The following SUFU variants were observed in gnomAD, a reference collection of about 807,000 sequenced individuals.
The protein encoded by SUFU is suppressor of fused homolog.
In SUFU, 7 loss-of-function variants were observed where a neutral mutation model predicts 58.9. That is an observed-to-expected ratio of 0.12 (90% CI 0.07 to 0.22). The LOEUF (loss-of-function observed/expected upper bound fraction) is 0.22, where lower values mean the gene tolerates loss of function less well. Among genes scored for constraint, SUFU ranks in the 10% least tolerant of loss-of-function variants. The pLI, the probability that SUFU is intolerant of heterozygous loss-of-function variation, is 1.00. For synonymous variants in SUFU, 232 were observed against 254.8 expected (o/e 0.91, Z 0.85); for missense variants, 451 against 641.3 (o/e 0.70, Z 3.20).
chr10:102,547,832 GGA>G (rs958492409), intron 2 of SUFU, among the ~76,000 whole-genome samples: 18 of 151,402 alleles, frequency 1.2e-4, no homozygotes, highest in Admixed American at 3.3e-4. Flanking sequence ...GAGGCGGGGG[GGA>G]GAGAGAGAGA....
At chr10:102,547,784 T>C (rs981881854) in intron 2 of SUFU, among the ~76,000 whole-genome samples, 2 of 151,468 alleles carry the variant, frequency 1.3e-5, no homozygotes, top group African/African-American at 4.9e-5. Context: ...TTCACACCAT[T>C]GTATAGAGCA....
intron 2 of SUFU, among the ~76,000 whole-genome samples, chr10:102,542,232 A>G (rs1034971857): frequency 6.6e-6 from 1 of 150,484 alleles, no homozygotes; most frequent in African/African-American, 2.5e-5. Context: ...TCCCGGATTC[A>G]AGCGATTCTC....
intron 3 of SUFU, among the ~76,000 whole-genome samples, chr10:102,551,923 C>T (rs2062922245): frequency 6.6e-6 from 1 of 151,380 alleles, no homozygotes; most frequent in South Asian, 2.1e-4. Flanking sequence ...GACGGGGTTT[C>T]ACCTTGTTAG....
At chr10:102,608,050 C>T (rs565066786) in intron 8 of SUFU, among the ~76,000 whole-genome samples, 1 of 151,788 alleles carries the variant, frequency 6.6e-6, no homozygotes, top group African/African-American at 2.4e-5. Context: ...CATGATAAAA[C>T]CCCATCTCTA....
At position 102,631,624 on chromosome 10, in the gene SUFU, C is replaced by A. The variant is rs988710480; in HGVS notation, c.*1469C>A. On this transcript the variant is annotated 3_prime_UTR_variant, in exon 12 of 12. Transcript: ENST00000369902. ...CATCTGCCTCTGCTGCACACACAGG[C>A]ACCAGCAGGGATGCCACAGGAGTGC... is the stretch of plus-strand genomic sequence containing the variant. 8.6e-6 allele frequency: 2 copies of A among 233,548 alleles called. No homozygotes were observed. Among genetic ancestry groups the A allele is most frequent in the East Asian group, 1.2e-4 (2 of 16,604 alleles). 14.5% of individuals were successfully genotyped at this position (233,548 alleles called of 1,614,324 possible). A position where few individuals can be genotyped will look rare whatever the true frequency, so the allele number is the denominator to read the frequency against.
intron 6 of SUFU, among the ~76,000 whole-genome samples, chr10:102,594,581 A>G (rs568085113): frequency 3.1e-4 from 47 of 152,326 alleles, no homozygotes; most frequent in African/African-American, 1.1e-3. Context: ...TAGCCTGGAA[A>G]GATTGGCACC....
chr10:102,543,231 A>G (rs2062822423), intron 2 of SUFU, among the ~76,000 whole-genome samples: 1 of 152,182 alleles, frequency 6.6e-6, no homozygotes, highest in Admixed American at 6.5e-5. Flanking sequence ...ATATGATGTC[A>G]TACTTACTAA....
chr10:102,630,505 C>A lies in SUFU; in HGVS notation c.*350C>A, dbSNP rs2063828641. The A allele has an allele frequency of 2.2e-6, 1 of 448,406 alleles. No individual in the cohort carries two copies. The highest frequency in any genetic ancestry group is 2.1e-5 in the South Asian group (1 of 46,980). 27.8% of individuals were successfully genotyped at this position (448,406 alleles called of 1,614,324 possible). A position where few individuals can be genotyped will look rare whatever the true frequency, so the allele number is the denominator to read the frequency against. On this transcript the variant is annotated 3_prime_UTR_variant, in exon 12 of 12. Coordinates refer to ENST00000369902, the MANE Select transcript of SUFU (RefSeq NM_016169.4). ...GGAGACAGCCCTCTTTCTCACCTAC[C>A]CCCTGCCGCACAGCCCAGCAGGAGG...
rs563253843 is a variant in SUFU, at chr10:102,528,048, C to T, written c.317+18745C>T. ...AGCCAAAGCCAAGAGTGGGAGCTACCATATTGATGCCAAGAAACCCAAGCA... is the reference window on the plus strand; with the variant it reads ...AGCCAAAGCCAAGAGTGGGAGCTACTATATTGATGCCAAGAAACCCAAGCA... On this transcript the variant is annotated intron_variant, in intron 2 of 11. Coordinates refer to ENST00000369902, the MANE Select transcript of SUFU (RefSeq NM_016169.4). Among the ~76,000 whole-genome samples, 6 of 152,232 alleles carry T rather than the reference C, an allele frequency of 3.9e-5. No homozygotes were observed. In the South Asian group the frequency reaches 1.2e-3, roughly 32 times the overall value.
At chr10:102,609,297 T>A (rs2063597016) in intron 8 of SUFU, among the ~76,000 whole-genome samples, 1 of 152,160 alleles carries the variant, frequency 6.6e-6, no homozygotes, top group Non-Finnish European at 1.5e-5. Context: ...ATGTCTCTTA[T>A]TATTGTGAAT....
intron 3 of SUFU, among the ~76,000 whole-genome samples, chr10:102,579,030 A>G (rs927180202): frequency 2.0e-5 from 3 of 152,218 alleles, no homozygotes; most frequent in African/African-American, 7.2e-5. Flanking sequence ...ACAGGTGTCT[A>G]AACAGATGGA....
At chr10:102,620,879 G>A (rs754847886) in intron 10 of SUFU, among the ~76,000 whole-genome samples, 36 of 152,184 alleles carry the variant, frequency 2.4e-4, no homozygotes, top group Non-Finnish European at 4.6e-4. Flanking sequence ...CAGCCCCAGC[G>A]GTCACATAGG....
chr10:102,597,252 G>C lies in SUFU; in HGVS notation c.869G>C (p.Ser290Thr), dbSNP rs749461207. Residue 290 changes from serine to threonine, a missense_variant, in exon 7 of 12, where the codon AGC becomes ACC. By Grantham distance (58) the Ser-to-Thr change is moderately conservative. Coordinates refer to ENST00000369902, the MANE Select transcript of SUFU (RefSeq NM_016169.4). Reference protein sequence around the residue: ...RPPEDDEDSRSICIGTQPRRL... With the variant: ...RPPEDDEDSRTICIGTQPRRL... Reference sequence around the variant, plus strand: ...CCCGAGGATGACGAGGACAGCCGGAGCATCTGCATCGGCACACAGCCCCGG... The same window carrying C: ...CCCGAGGATGACGAGGACAGCCGGACCATCTGCATCGGCACACAGCCCCGG... 3.7e-6 allele frequency: 6 copies of C among 1,614,010 alleles called. No homozygotes were observed. In the South Asian group the frequency reaches 6.6e-5, roughly 18 times the overall value.
intron 2 of SUFU, among the ~76,000 whole-genome samples, chr10:102,524,175 T>TTA (rs2062581621): frequency 6.6e-6 from 1 of 152,030 alleles, no homozygotes; most frequent in South Asian, 2.1e-4. Context: ...TTTTAAAAAG[T>TTA]TATATATATT....
intron 2 of SUFU, among the ~76,000 whole-genome samples, chr10:102,540,590 G>T (rs759166126): frequency 6.6e-6 from 1 of 152,058 alleles, no homozygotes; most frequent in Non-Finnish European, 1.5e-5. Flanking sequence ...GGCAGAAGTT[G>T]CAGTGAGCCA....
chr10:102,504,794 T>TG (rs984369306), intron 1 of SUFU, among the ~76,000 whole-genome samples: 1 of 126,360 alleles, frequency 7.9e-6, no homozygotes, highest in African/African-American at 3.0e-5. Flanking sequence ...CTGCATAGAA[T>TG]GGGGGGTTCG....
At chr10:102,611,807 ACTGGAACC>A (rs2063626648) in intron 8 of SUFU, among the ~76,000 whole-genome samples, 1 of 152,270 alleles carries the variant, frequency 6.6e-6, no homozygotes, top group East Asian at 1.9e-4. Context: ...GTCACATAAA[ACTGGAACC>A]CAGAACTTAA....
Position 102,597,311 on chromosome 10 carries a change from G to T in SUFU, c.910+18G>T. On this transcript the variant is annotated intron_variant, in intron 7 of 11. Transcript: ENST00000369902. ...TGGCAAAGGTGGGAGCCATCACTCA[G>T]CATTCCACCAGCCTTCCTCCTTCCT... 6 of 1,609,276 alleles carry T rather than the reference G, an allele frequency of 3.7e-6. No individual in the cohort carries two copies. Among genetic ancestry groups the T allele is most frequent in the Non-Finnish European group, 5.1e-6 (6 of 1,177,600 alleles).
chr10:102,540,721 T>C (rs906605702), intron 2 of SUFU, among the ~76,000 whole-genome samples: 16 of 150,808 alleles, frequency 1.1e-4, no homozygotes, highest in African/African-American at 3.9e-4. Flanking sequence ...CTTTAAAATA[T>C]ATATATATAT....
Sources: gnomAD v4.1 joint callset for allele counts (sites outside exome capture counted in the v4.1 genomes callset) on GRCh38, gnomAD v4.1.1 for gene constraint, MANE v1.5 for transcripts, NCBI Gene and HGNC (gene_info 2026-07-23, HGNC 2026-07-21) for gene names.